Variants in SCFD2 observed in about 807,000 individuals in gnomAD.
The protein encoded by SCFD2 is sec1 family domain-containing protein 2.
A neutral mutation model predicts 58.9 loss-of-function variants in SCFD2; 54 were observed. That is an observed-to-expected ratio of 0.92 (90% CI 0.74 to 1.15). The LOEUF (loss-of-function observed/expected upper bound fraction) is 1.15, where lower values mean the gene tolerates loss of function less well. SCFD2 is among the 50% of genes most tolerant of loss of function. SCFD2 has a pLI of 0.00. For missense variants in SCFD2, 805 were observed against 836.6 expected (o/e 0.96, Z 0.47); for synonymous variants, 321 against 335.9 (o/e 0.96, Z 0.49).
rs944357364 is a variant in SCFD2, at chr4:53,215,027, C to A, written c.1311+58799G>T. 1.6e-4 allele frequency among the ~76,000 whole-genome samples: 24 copies of A among 152,184 alleles called. 1 individual carries two copies. The highest frequency in any genetic ancestry group is 4.8e-4 in the African/African-American group (20 of 41,458). ...ATTGGTCTATATCTCTGTTTTGGTA[C>A]CAGTACCACGCTGTTTTGGTTACTG... On this transcript the variant is annotated intron_variant, in intron 4 of 8. Coordinates refer to ENST00000401642, the MANE Select transcript of SCFD2 (RefSeq NM_152540.4).
At chr4:53,123,989 T>C (rs1171686645) in intron 5 of SCFD2, among the ~76,000 whole-genome samples, 1 of 152,098 alleles carries the variant, frequency 6.6e-6, no homozygotes, top group Admixed American at 6.5e-5. Flanking sequence ...GTAACAACAG[T>C]CCCATACTAG....
intron 4 of SCFD2, among the ~76,000 whole-genome samples, chr4:53,217,096 G>A (rs1207425368): frequency 6.6e-6 from 1 of 152,222 alleles, no homozygotes; most frequent in African/African-American, 2.4e-5. Flanking sequence ...TAAGTGCGAT[G>A]TGGTGCTGAG....
At chr4:53,121,183 T>C (rs1483723265) in intron 5 of SCFD2, among the ~76,000 whole-genome samples, 1 of 152,038 alleles carries the variant, frequency 6.6e-6, no homozygotes, top group East Asian at 1.9e-4. Context: ...ACCAACAGGG[T>C]GGTGGAGGGA....
At chr4:52,982,999 G>A (rs1721410735) in intron 5 of SCFD2, among the ~76,000 whole-genome samples, 1 of 152,116 alleles carries the variant, frequency 6.6e-6, no homozygotes, top group Admixed American at 6.6e-5. Context: ...CTCTCAGAGA[G>A]GTTATTTTTA....
chr4:53,087,774 C>A (rs1165951327), intron 5 of SCFD2, among the ~76,000 whole-genome samples: 2 of 151,270 alleles, frequency 1.3e-5, no homozygotes, highest in Non-Finnish European at 2.9e-5. Flanking sequence ...GATTTTCCTG[C>A]CTCAGCCTCC....
intron 4 of SCFD2, among the ~76,000 whole-genome samples, chr4:53,155,423 C>T (rs376991539): frequency 1.8e-4 from 27 of 152,268 alleles, no homozygotes; most frequent in South Asian, 1.7e-3. Context: ...CCTCACCAAA[C>T]GCCAGCACCT....
intron 4 of SCFD2, among the ~76,000 whole-genome samples, chr4:53,198,428 C>A (rs895665774): frequency 1.3e-5 from 2 of 151,728 alleles, no homozygotes; most frequent in Non-Finnish European, 2.9e-5. Flanking sequence ...ATTTTATAGA[C>A]ACATAATCTA....
chr4:53,077,916 A>T (rs934056107), intron 5 of SCFD2, among the ~76,000 whole-genome samples: 3 of 152,088 alleles, frequency 2.0e-5, no homozygotes, highest in Non-Finnish European at 2.9e-5. Context: ...CTTGGTGATA[A>T]ACTGTCAAGT....
At chr4:52,973,752 C>T (rs938440368) in intron 5 of SCFD2, among the ~76,000 whole-genome samples, 29 of 147,492 alleles carry the variant, frequency 2.0e-4, no homozygotes, top group African/African-American at 6.0e-4. Context: ...TGATGAACAT[C>T]GATGCAAAAA....
At chr4:53,353,408 T>C (rs1351266975) in intron 1 of SCFD2, among the ~76,000 whole-genome samples, 2 of 152,160 alleles carry the variant, frequency 1.3e-5, no homozygotes, top group Non-Finnish European at 2.9e-5. Context: ...GCAATATTTA[T>C]TGCAGAGAGC....
chr4:53,212,549 TAA>T (rs1231041670), intron 4 of SCFD2, among the ~76,000 whole-genome samples: 12 of 147,592 alleles, frequency 8.1e-5, no homozygotes, highest in African/African-American at 7.6e-5. Flanking sequence ...AAGGAGATGG[TAA>T]GAGAGAGAGG....
chr4:53,291,413 T>C (rs1731835567), intron 3 of SCFD2, among the ~76,000 whole-genome samples: 2 of 151,888 alleles, frequency 1.3e-5, no homozygotes. Context: ...GAAATACAGC[T>C]AACAAGGGAA....
At chr4:53,040,976 G>GAAAGAA (rs1000201981) in intron 5 of SCFD2, among the ~76,000 whole-genome samples, 3 of 151,998 alleles carry the variant, frequency 2.0e-5, no homozygotes, top group African/African-American at 7.2e-5. Context: ...CTTATTTGGT[G>GAAAGAA]AAAGAAAAAG....
chr4:53,230,550 C>A (rs553381475), intron 4 of SCFD2, among the ~76,000 whole-genome samples: 1 of 144,516 alleles, frequency 6.9e-6, no homozygotes, highest in African/African-American at 2.6e-5. Context: ...CATGTTCTCA[C>A]TCATAGGTGG....
chr4:52,919,201 C>A (rs756473806), intron 6 of SCFD2, among the ~76,000 whole-genome samples: 1 of 152,118 alleles, frequency 6.6e-6, no homozygotes, highest in Non-Finnish European at 1.5e-5. Context: ...AAATCAGTCA[C>A]CCGGATGACA....
intron 3 of SCFD2, among the ~76,000 whole-genome samples, chr4:53,294,614 T>A (rs564089856): frequency 6.6e-6 from 1 of 152,334 alleles, no homozygotes; most frequent in East Asian, 1.9e-4. Context: ...TGATAGTTTT[T>A]CTTTACTGTG....
At position 53,143,325 on chromosome 4, in the gene SCFD2, T is replaced by C. The variant is rs531785456; in HGVS notation, c.1561+2008A>G. ...TATGCTTCTTAGGAATAACTTTTAA[T>C]TAAATTCTCCTAGCATTCAAACCTA... On this transcript the variant is annotated intron_variant, in intron 5 of 8. Coordinates refer to ENST00000401642, the MANE Select transcript of SCFD2 (RefSeq NM_152540.4). Among the ~76,000 whole-genome samples, 110 of 152,324 alleles carry C rather than the reference T, an allele frequency of 7.2e-4. 1 individual carries two copies. The highest frequency in any genetic ancestry group is 2.5e-3 in the African/African-American group (104 of 41,566).
At chr4:53,226,759 C>T (rs1176837786) in intron 4 of SCFD2, among the ~76,000 whole-genome samples, 1 of 152,088 alleles carries the variant, frequency 6.6e-6, no homozygotes, top group Non-Finnish European at 1.5e-5. Context: ...AGGCAGCTTA[C>T]TTGGACTTGA....
chr4:53,162,800 G>A (rs970096194), intron 4 of SCFD2, among the ~76,000 whole-genome samples: 2 of 151,222 alleles, frequency 1.3e-5, no homozygotes, highest in African/African-American at 2.4e-5. Context: ...GTATACATAC[G>A]TAACTAACCT....
Sources: allele counts gnomAD v4.1 joint callset (sites outside exome capture counted in the v4.1 genomes callset), GRCh38; gene constraint gnomAD v4.1.1; transcripts MANE v1.5; gene names NCBI Gene and HGNC (gene_info 2026-07-23, HGNC 2026-07-21).